CHSY1: variants seen among roughly 807,000 people sequenced by gnomAD.
CHSY1 encodes N-acetylgalactosaminyl-proteoglycan 3-beta-glucuronosyltransferase 1.
In CHSY1, 13 loss-of-function variants were observed where a neutral mutation model predicts 59.8. The ratio of observed to expected loss-of-function variants is 0.22; its 90% CI spans 0.14 to 0.35. The LOEUF (loss-of-function observed/expected upper bound fraction) is 0.35. Among genes scored for constraint, CHSY1 ranks in the 10% least tolerant of loss-of-function variants. The pLI is 1.00. For missense variants in CHSY1, 947 were observed against 1,030.6 expected (o/e 0.92, Z 1.11); for synonymous variants, 459 against 401.2 (o/e 1.14, Z -1.72).
intron 2 of CHSY1, among the ~76,000 whole-genome samples, chr15:101,192,728 T>C (rs936148608): frequency 3.8e-5 from 2 of 52,806 alleles, no homozygotes; most frequent in African/African-American, 1.0e-4. Flanking sequence ...CTGGCATTGA[T>C]GTATTCCCTT....
At chr15:101,207,900 G>A (rs2038643401) in intron 2 of CHSY1, among the ~76,000 whole-genome samples, 1 of 152,232 alleles carries the variant, frequency 6.6e-6, no homozygotes, top group Admixed American at 6.5e-5. Flanking sequence ...CAGATGGGGT[G>A]AGGGTGGGCT....
intron 1 of CHSY1, among the ~76,000 whole-genome samples, chr15:101,242,881 G>A (rs181217026): frequency 4.9e-4 from 75 of 152,322 alleles, no homozygotes; most frequent in Non-Finnish European, 8.8e-4. Flanking sequence ...CATCGTGCAC[G>A]TCCTTATGAC....
intron 2 of CHSY1, among the ~76,000 whole-genome samples, chr15:101,206,961 AC>A (rs2038633416): frequency 6.6e-6 from 1 of 152,236 alleles, no homozygotes; most frequent in Admixed American, 6.5e-5. Context: ...AACGTATGCC[AC>A]GCATTTCCAC....
chr15:101,214,161 A>G (rs910072376), intron 2 of CHSY1, among the ~76,000 whole-genome samples: 2 of 152,162 alleles, frequency 1.3e-5, no homozygotes, highest in Non-Finnish European at 2.9e-5. Flanking sequence ...CAGGGTGTGT[A>G]TGTGTGTCTG....
intron 2 of CHSY1, among the ~76,000 whole-genome samples, chr15:101,198,672 G>A (rs1187226589): frequency 6.6e-6 from 1 of 152,192 alleles, no homozygotes; most frequent in Non-Finnish European, 1.5e-5. Flanking sequence ...AACAGCAGTC[G>A]TAGTACCAGG....
intron 2 of CHSY1, among the ~76,000 whole-genome samples, chr15:101,201,182 CT>C (rs765079454): frequency 1.3e-4 from 20 of 152,294 alleles, no homozygotes; most frequent in East Asian, 1.2e-3. Context: ...TTTAATTCCT[CT>C]TAGAGAACAG....
intron 1 of CHSY1, among the ~76,000 whole-genome samples, chr15:101,245,241 C>T (rs2039039052): frequency 6.6e-6 from 1 of 152,228 alleles, no homozygotes; most frequent in African/African-American, 2.4e-5. Context: ...ACAGCCTACA[C>T]CTAGCCCCAA....
chr15:101,182,612 G>A (rs1474673874), intron 2 of CHSY1, among the ~76,000 whole-genome samples: 1 of 152,224 alleles, frequency 6.6e-6, no homozygotes, highest in African/African-American at 2.4e-5. Flanking sequence ...TGGGGGACTT[G>A]AGCAGGACCC....
intron 2 of CHSY1, 54 bp from the exon 3 acceptor site, chr15:101,179,034 A>C: frequency 6.5e-7 from 1 of 1,542,400 alleles, no homozygotes; most frequent in East Asian, 2.2e-5. Context: ...ATTGAGTGCC[A>C]GCACATGCTA....
intron 2 of CHSY1, among the ~76,000 whole-genome samples, chr15:101,230,913 C>G (rs868134798): frequency 1.3e-5 from 2 of 152,340 alleles, no homozygotes; most frequent in Middle Eastern, 3.4e-3. Context: ...AATTTCCCTA[C>G]CAATTCAGAG....
chr15:101,211,903 C>T (rs1392504600), intron 2 of CHSY1, among the ~76,000 whole-genome samples: 2 of 150,592 alleles, frequency 1.3e-5, no homozygotes, highest in East Asian at 3.9e-4. Flanking sequence ...GAATTCTATA[C>T]CTAGAAAATA....
At chr15:101,188,167 C>A (rs2038395356) in intron 2 of CHSY1, 1 of 985,320 alleles carries the variant, frequency 1.0e-6, no homozygotes, top group Non-Finnish European at 1.2e-6. Flanking sequence ...CCCATTCGGA[C>A]TTAGGCAGCG....
chr15:101,231,961 A>G (rs2038897073), intron 2 of CHSY1, among the ~76,000 whole-genome samples: 2 of 152,212 alleles, frequency 1.3e-5, no homozygotes, highest in African/African-American at 4.8e-5. Flanking sequence ...CTCCAGGCCT[A>G]CACTCTCACT....
intron 2 of CHSY1, among the ~76,000 whole-genome samples, chr15:101,191,971 T>C (rs1048424059): frequency 2.0e-5 from 3 of 151,810 alleles, no homozygotes; most frequent in Non-Finnish European, 4.4e-5. Context: ...TGGAAAGAGG[T>C]AGGTGGAAAT....
In CHSY1 at chr15:101,177,522, G is replaced by T. The variant is rs1276629893; in HGVS notation, c.2275C>A (p.Gln759Lys). The T allele has an allele frequency of 6.2e-7, 1 of 1,613,674 alleles. No individual in the cohort carries two copies. The highest frequency in any genetic ancestry group is 2.2e-5 in the East Asian group (1 of 44,868). ...TTGGACCCCAAGCACATTTTGTACT[G>T]TTTGGGGTCAAGATTGGGATCACAA... is the stretch of plus-strand genomic sequence containing the variant. ...VFCDPNLDPK[Q>K]YKMCLGSKAS... The change falls in exon 3 of 3, where the codon CAG becomes AAG. Residue 759 changes from glutamine to lysine, a missense_variant. By Grantham distance (53) the Gln-to-Lys change is moderately conservative. Transcript: ENST00000254190.
chr15:101,203,909 A>G (rs1332064705), intron 2 of CHSY1, among the ~76,000 whole-genome samples: 2 of 152,198 alleles, frequency 1.3e-5, no homozygotes, highest in African/African-American at 4.8e-5. Flanking sequence ...CCTAGACTAC[A>G]CTCTGGAACA....
chr15:101,243,179 G>T lies in CHSY1; in HGVS notation c.321-7602C>A, dbSNP rs142791158. Among the ~76,000 whole-genome samples, 6 of 151,990 alleles carry T rather than the reference G, an allele frequency of 3.9e-5. No individual in the cohort carries two copies. The East Asian group carries it at 1.2e-3, about 29-fold the overall frequency. ...GCCCGCCCTTTGAGCCCAGGTTCAC[G>T]GCAAACAATGGGAACAGAGACCACA... On this transcript the variant is annotated intron_variant, in intron 1 of 2. Coordinates refer to ENST00000254190, the MANE Select transcript of CHSY1 (RefSeq NM_014918.5).
At chr15:101,229,550 C>G (rs529803318) in intron 2 of CHSY1, among the ~76,000 whole-genome samples, 1 of 152,090 alleles carries the variant, frequency 6.6e-6, no homozygotes, top group African/African-American at 2.4e-5. Context: ...AAACACAGCC[C>G]TGAAATAAAA....
At chr15:101,216,926 T>A (rs550551597) in intron 2 of CHSY1, among the ~76,000 whole-genome samples, 9 of 152,332 alleles carry the variant, frequency 5.9e-5, no homozygotes, top group Middle Eastern at 6.8e-3. Context: ...GGTCCCAGGA[T>A]GGAATGCAGA....
Sources: gnomAD v4.1 joint callset for allele counts (sites outside exome capture counted in the v4.1 genomes callset) on GRCh38, gnomAD v4.1.1 for gene constraint, MANE v1.5 for transcripts, NCBI Gene and HGNC (gene_info 2026-07-23, HGNC 2026-07-21) for gene names.